Variants in DMC1 observed in about 807,000 individuals in gnomAD.
DMC1 encodes meiotic recombination protein DMC1 homolog.
A neutral mutation model predicts 50.1 loss-of-function variants in DMC1; 27 were observed. The ratio of observed to expected loss-of-function variants is 0.54; its 90% CI spans 0.40 to 0.74. The LOEUF (loss-of-function observed/expected upper bound fraction) is 0.74. Among genes scored for constraint, DMC1 ranks in the 30% least tolerant of loss-of-function variants. DMC1 has a pLI of 0.00. For synonymous variants in DMC1, 148 were observed against 136.1 expected, an observed-to-expected ratio of 1.09 and a Z score of -0.61; for missense variants, 295 against 420.2, an observed-to-expected ratio of 0.70 and a Z score of 2.60.
chr22:38,560,969 C>A (rs2090521130), intron 5 of DMC1, among the ~76,000 whole-genome samples: 1 of 151,994 alleles, frequency 6.6e-6, no homozygotes, highest in Admixed American at 6.6e-5. Context: ...CAACCATATT[C>A]CCACTATCAC....
chr22:38,519,843 A>G lies in DMC1; in HGVS notation c.*177T>C. Reference sequence around the variant, plus strand: ...ATATCCCTGAATTTACATACAATGTATAGTTATCATAAATCAGGGACTTTT... The same window carrying G: ...ATATCCCTGAATTTACATACAATGTGTAGTTATCATAAATCAGGGACTTTT... On this transcript the variant is annotated 3_prime_UTR_variant, in exon 14 of 14. Coordinates refer to ENST00000216024, the MANE Select transcript of DMC1 (RefSeq NM_007068.4). 1.7e-6 allele frequency: 1 copy of G among 593,200 alleles called. No individual in the cohort carries two copies. The highest frequency in any genetic ancestry group is 3.1e-6 in the Non-Finnish European group (1 of 323,560). 36.7% of individuals were successfully genotyped at this position (593,200 alleles called of 1,614,324 possible). A position where few individuals can be genotyped will look rare whatever the true frequency, so the allele number is the denominator to read the frequency against.
chr22:38,510,859 A>G, the DMC1 span, among the ~76,000 whole-genome samples: 1 of 152,354 alleles, frequency 6.6e-6, no homozygotes, highest in African/African-American at 2.4e-5. Context: ...TGGACTTCTT[A>G]TTTGAAATGA....
downstream of DMC1, among the ~76,000 whole-genome samples, chr22:38,515,341 G>A (rs535994998): frequency 4.0e-5 from 6 of 151,342 alleles, no homozygotes; most frequent in South Asian, 8.3e-4. Context: ...TTAGCCAGGC[G>A]AGGTTAGGCA....
At chr22:38,515,581 C>T (rs2089971574), downstream of DMC1, among the ~76,000 whole-genome samples, 1 of 151,856 alleles carries the variant, frequency 6.6e-6, no homozygotes, top group Non-Finnish European at 1.5e-5. Flanking sequence ...GGTGGATCAC[C>T]TGAGGTTAGG....
At chr22:38,518,538 T>C (rs1332244940), downstream of DMC1, among the ~76,000 whole-genome samples, 1 of 146,048 alleles carries the variant, frequency 6.8e-6, no homozygotes, top group African/African-American at 2.5e-5. Flanking sequence ...TCTTTCCTTC[T>C]TTTTTTTTTT....
At chr22:38,565,198 C>A (rs1008797283) in intron 4 of DMC1, among the ~76,000 whole-genome samples, 2 of 152,170 alleles carry the variant, frequency 1.3e-5, no homozygotes, top group Non-Finnish European at 2.9e-5. Context: ...TTTTGTCTGG[C>A]AGCCTGGCAG....
chr22:38,533,044 G>C, intron 12 of DMC1, among the ~76,000 whole-genome samples: 1 of 152,048 alleles, frequency 6.6e-6, no homozygotes, highest in East Asian at 1.9e-4. Context: ...AATAACATTT[G>C]AGTAGTTAAT....
chr22:38,544,666 C>T (rs953011143), intron 8 of DMC1, among the ~76,000 whole-genome samples: 1 of 151,520 alleles, frequency 6.6e-6, no homozygotes, highest in African/African-American at 2.4e-5. Flanking sequence ...TTGCTCTGTC[C>T]CCAGGCTGGA....
the DMC1 span, among the ~76,000 whole-genome samples, chr22:38,512,877 A>G: frequency 4.7e-4 from 71 of 152,194 alleles, no homozygotes; most frequent in African/African-American, 1.7e-3. Flanking sequence ...TGAGGTCAGG[A>G]GTTCAAGACC....
At chr22:38,548,221 A>G (rs899298384) in intron 8 of DMC1, among the ~76,000 whole-genome samples, 1 of 152,012 alleles carries the variant, frequency 6.6e-6, no homozygotes, top group African/African-American at 2.4e-5. Flanking sequence ...CCCTTTCTCA[A>G]GCTGAATTCA....
intron 5 of DMC1, among the ~76,000 whole-genome samples, chr22:38,559,219 C>T (rs911698076): frequency 1.6e-4 from 25 of 152,044 alleles, no homozygotes; most frequent in African/African-American, 3.9e-4. Flanking sequence ...TTAGTAGAGA[C>T]GGGGTTTCTC....
chr22:38,557,956 C>CTTTTT lies in DMC1; in HGVS notation c.327-2552_327-2548dup, dbSNP rs753724944. 4.6e-3 allele frequency among the ~76,000 whole-genome samples: 289 copies of CTTTTT among 62,670 alleles called. 44 individuals carry two copies. Among genetic ancestry groups the CTTTTT allele is most frequent in the African/African-American group, 9.3e-3 (150 of 16,064 alleles). 41.1% of individuals were successfully genotyped at this position (62,670 alleles called of 152,430 possible). A position where few individuals can be genotyped will look rare whatever the true frequency, so the allele number is the denominator to read the frequency against. ...AATAATTAGATAATTAGACAAAGTT[C>CTTTTT]TTTTTTTTTTTTTTTTTTTTTTTTG... On this transcript the variant is annotated intron_variant, in intron 5 of 13. Transcript: ENST00000216024.
At chr22:38,526,266 G>A (rs192186267) in intron 12 of DMC1, among the ~76,000 whole-genome samples, 29 of 151,912 alleles carry the variant, frequency 1.9e-4, no homozygotes, top group East Asian at 3.9e-4. Flanking sequence ...GTGCAATGCC[G>A]TGATCGCGGC....
chr22:38,545,484 G>A (rs557805370), intron 8 of DMC1, among the ~76,000 whole-genome samples: 18 of 152,140 alleles, frequency 1.2e-4, no homozygotes, highest in African/African-American at 4.1e-4. Flanking sequence ...CTGCAGTGGC[G>A]CTATCTCGGC....
intron 6 of DMC1, among the ~76,000 whole-genome samples, chr22:38,554,279 G>T (rs770390193): frequency 3.3e-5 from 5 of 152,000 alleles, no homozygotes; most frequent in Non-Finnish European, 7.4e-5. Flanking sequence ...AAGCAAATTC[G>T]TTCTGGAGGA....
rs967751429 is a variant in DMC1, at chr22:38,547,700, C to T, written c.494+2225G>A. ...AAATACAGGCATGTGCCGCCACGCC[C>T]GGCTAATTTTGTATTTTTAGTAGAG... On this transcript the variant is annotated intron_variant, in intron 8 of 13. Coordinates refer to ENST00000216024, the MANE Select transcript of DMC1 (RefSeq NM_007068.4). Among the ~76,000 whole-genome samples, 3 of 152,166 alleles carry T rather than the reference C, an allele frequency of 2.0e-5. No individual in the cohort carries two copies. The East Asian group carries it at 5.8e-4, about 29-fold the overall frequency.
At chr22:38,557,953 G>GTTTTTTTTTTTTTT (rs1555940699) in intron 5 of DMC1, among the ~76,000 whole-genome samples, 2 of 94,974 alleles carry the variant, frequency 2.1e-5, no homozygotes, top group Non-Finnish European at 2.2e-5. Flanking sequence ...ATTAGACAAA[G>GTTTTTTTTTTTTTT]TTCTTTTTTT....
At chr22:38,550,130 AAAC>A (rs1197166308) in intron 7 of DMC1, 133 bp from the exon 8 acceptor site, 6 of 663,398 alleles carry the variant, frequency 9.0e-6, no homozygotes, top group East Asian at 5.5e-5. Flanking sequence ...TTTCGTTTCT[AAAC>A]AACATGTTAT....
intron 8 of DMC1, among the ~76,000 whole-genome samples, chr22:38,545,178 G>A (rs567798494): frequency 2.2e-4 from 34 of 152,172 alleles, no homozygotes; most frequent in African/African-American, 4.1e-4. Context: ...GGAGGCCCAG[G>A]TGGGAGGATC....
Sources: gnomAD v4.1 joint callset for allele counts (sites outside exome capture counted in the v4.1 genomes callset) on GRCh38, gnomAD v4.1.1 for gene constraint, MANE v1.5 for transcripts, NCBI Gene and HGNC (gene_info 2026-07-23, HGNC 2026-07-21) for gene names.